GLCCI1: variants seen among roughly 807,000 people sequenced by gnomAD.
The protein encoded by GLCCI1 is glucocorticoid induced 1.
In GLCCI1, 24 loss-of-function variants were observed where a neutral mutation model predicts 52.2. That is an observed-to-expected ratio of 0.46 (90% CI 0.33 to 0.65). GLCCI1 has a LOEUF of 0.65. GLCCI1 is among the 30% of genes least tolerant of loss of function. The probability of loss-of-function intolerance (pLI) is 0.02; values close to 1 mark genes in which losing one functional copy is unlikely to be tolerated. For missense variants in GLCCI1, 704 were observed against 701.5 expected (o/e 1.00, Z -0.04); for synonymous variants, 310 against 276.5 (o/e 1.12, Z -1.20).
intron 3 of GLCCI1, among the ~76,000 whole-genome samples, chr7:8,034,665 A>G (rs894493515): frequency 1.2e-4 from 18 of 152,330 alleles, no homozygotes; most frequent in African/African-American, 4.3e-4. Context: ...TGAATAGAAT[A>G]TCAAGGGGAG....
chr7:8,078,082 A>C (rs1445972707), intron 6 of GLCCI1, among the ~76,000 whole-genome samples: 1 of 151,982 alleles, frequency 6.6e-6, no homozygotes. Flanking sequence ...AAAATACAAA[A>C]AATGAGCCGG....
At chr7:8,007,606 G>A (rs1327531327) in intron 2 of GLCCI1, among the ~76,000 whole-genome samples, 1 of 152,136 alleles carries the variant, frequency 6.6e-6, no homozygotes, top group Non-Finnish European at 1.5e-5. Flanking sequence ...TGGATTAACT[G>A]TTGAACTCTT....
At chr7:8,032,876 A>G (rs62433407) in intron 3 of GLCCI1, among the ~76,000 whole-genome samples, 8,902 of 152,060 alleles carry the variant, frequency 0.059, 369 homozygotes, top group East Asian at 0.19. Flanking sequence ...AAAAATAGAA[A>G]AGGAGGGAAC....
At chr7:7,985,925 A>G (rs1158690337) in intron 1 of GLCCI1, among the ~76,000 whole-genome samples, 1 of 152,252 alleles carries the variant, frequency 6.6e-6, no homozygotes, top group African/African-American at 2.4e-5. Flanking sequence ...ATTGAAAAGT[A>G]TAATTACTGC....
intron 5 of GLCCI1, among the ~76,000 whole-genome samples, chr7:8,069,337 G>A (rs540211038): frequency 5.3e-5 from 8 of 152,272 alleles, no homozygotes; most frequent in South Asian, 2.1e-4. Context: ...TCTTAGGGCC[G>A]TGGCAGCTTG....
intron 4 of GLCCI1, among the ~76,000 whole-genome samples, chr7:8,056,946 C>T (rs1351692615): frequency 4.6e-5 from 7 of 152,038 alleles, no homozygotes; most frequent in Admixed American, 4.6e-4. Flanking sequence ...AAAGAATTAT[C>T]ACTACTTACA....
At chr7:8,072,145 T>C (rs1038963643) in intron 6 of GLCCI1, among the ~76,000 whole-genome samples, 7 of 152,204 alleles carry the variant, frequency 4.6e-5, no homozygotes, top group Admixed American at 4.6e-4. Context: ...ATCCTTCCTC[T>C]CTCCACTTGA....
chr7:8,075,570 C>G (rs1782859756), intron 6 of GLCCI1, among the ~76,000 whole-genome samples: 1 of 152,216 alleles, frequency 6.6e-6, no homozygotes, highest in African/African-American at 2.4e-5. Flanking sequence ...TTAAGCAGCT[C>G]TGCCAGCGTT....
chr7:8,067,064 C>G (rs1258822396), intron 5 of GLCCI1, among the ~76,000 whole-genome samples: 1 of 152,020 alleles, frequency 6.6e-6, no homozygotes, highest in African/African-American at 2.4e-5. Flanking sequence ...TCTGGGTGCC[C>G]CTGTGTTGGG....
chr7:7,975,939 C>G (rs929943108), intron 1 of GLCCI1, among the ~76,000 whole-genome samples: 3 of 152,126 alleles, frequency 2.0e-5, no homozygotes, highest in African/African-American at 7.2e-5. Context: ...CCCCTTTTCT[C>G]TCTTCATAAA....
chr7:8,049,690 T>A (rs1782215018), intron 3 of GLCCI1, among the ~76,000 whole-genome samples: 1 of 152,206 alleles, frequency 6.6e-6, no homozygotes, highest in Non-Finnish European at 1.5e-5. Context: ...ATCTCCAGCA[T>A]CAAGAAAGGA....
intron 2 of GLCCI1, among the ~76,000 whole-genome samples, chr7:8,009,612 G>A (rs537536764): frequency 3.9e-5 from 6 of 152,276 alleles, no homozygotes; most frequent in African/African-American, 1.4e-4. Flanking sequence ...CTCTGACAGG[G>A]AAGTAACTGT....
intron 1 of GLCCI1, among the ~76,000 whole-genome samples, chr7:7,993,104 T>G (rs762193126): frequency 6.6e-6 from 1 of 152,200 alleles, no homozygotes; most frequent in Non-Finnish European, 1.5e-5. Context: ...GGGACATCTT[T>G]TATTCTTTGT....
intron 4 of GLCCI1, among the ~76,000 whole-genome samples, chr7:8,059,095 C>A (rs1162935304): frequency 6.6e-6 from 1 of 152,102 alleles, no homozygotes; most frequent in Non-Finnish European, 1.5e-5. Flanking sequence ...TTTGCTGTCT[C>A]AGGGTGGCAG....
intron 3 of GLCCI1, among the ~76,000 whole-genome samples, chr7:8,047,726 G>T (rs1782164366): frequency 6.6e-6 from 1 of 152,152 alleles, no homozygotes; most frequent in African/African-American, 2.4e-5. Context: ...ACACAACTAA[G>T]ACTTTTAAGT....
intron 1 of GLCCI1, among the ~76,000 whole-genome samples, chr7:7,981,411 C>T (rs1224091878): frequency 6.6e-6 from 1 of 152,082 alleles, no homozygotes; most frequent in African/African-American, 2.4e-5. Context: ...CAGCCTCTGC[C>T]TCCTGGGTTC....
At chr7:8,031,018 C>G (rs139080431) in intron 3 of GLCCI1, among the ~76,000 whole-genome samples, 83 of 152,150 alleles carry the variant, frequency 5.5e-4, no homozygotes, top group African/African-American at 1.9e-3. Flanking sequence ...ACCATATGAT[C>G]CAGCAATCCT....
chr7:8,008,647 G>A (rs1161090944), intron 2 of GLCCI1, among the ~76,000 whole-genome samples: 2 of 152,020 alleles, frequency 1.3e-5, no homozygotes, highest in Non-Finnish European at 2.9e-5. Flanking sequence ...TTCATTTATC[G>A]GAACTTACCC....
intron 1 of GLCCI1, among the ~76,000 whole-genome samples, chr7:7,976,516 G>GGGGAAAGGAAAAAGGAAAT (rs1780475715): frequency 7.9e-6 from 1 of 126,914 alleles, no homozygotes; most frequent in Admixed American, 8.0e-5. Context: ...AAAAAGGAAA[G>GGGGAAAGGAAAAAGGAAAT]GAGAAAGGAA....
Sources: allele counts gnomAD v4.1 joint callset (sites outside exome capture counted in the v4.1 genomes callset), GRCh38; gene constraint gnomAD v4.1.1; transcripts MANE v1.5; gene names NCBI Gene and HGNC (gene_info 2026-07-23, HGNC 2026-07-21).